The following CABIN1 variants were observed in gnomAD, a reference collection of about 807,000 sequenced individuals.
CABIN1 encodes the protein calcineurin-binding protein cabin-1.
CABIN1 carries 133 observed loss-of-function variants against 227.7 expected under a neutral mutation model. The observed-to-expected ratio is 0.58, with a 90% CI of 0.51 to 0.67. The LOEUF (loss-of-function observed/expected upper bound fraction) is 0.67, where lower values mean the gene tolerates loss of function less well. Ranked by LOEUF, CABIN1 falls within the 30% of genes least tolerant of loss-of-function variation. CABIN1 has a pLI of 0.00. For synonymous variants in CABIN1, 1,086 were observed against 1,155.1 expected, an observed-to-expected ratio of 0.94 and a Z score of 1.21; for missense variants, 2,408 against 2,852.5, an observed-to-expected ratio of 0.84 and a Z score of 3.55.
intron 1 of CABIN1, among the ~76,000 whole-genome samples, chr22:24,015,645 C>G (rs1262171162): frequency 6.6e-6 from 1 of 151,770 alleles, no homozygotes; most frequent in Non-Finnish European, 1.5e-5. Context: ...CGCCCGGCCC[C>G]TCATTAATTT....
intron 29 of CABIN1, among the ~76,000 whole-genome samples, chr22:24,153,533 G>A (rs1296975579): frequency 1.3e-5 from 2 of 152,180 alleles, no homozygotes; most frequent in South Asian, 2.1e-4. Flanking sequence ...ATCACATGAC[G>A]CTCCAGGGAC....
intron 25 of CABIN1, among the ~76,000 whole-genome samples, chr22:24,096,666 C>T (rs569706338): frequency 6.6e-6 from 1 of 152,314 alleles, no homozygotes; most frequent in African/African-American, 2.4e-5. Flanking sequence ...GCCGCCCCAT[C>T]CTCAGGGGCA....
At chr22:24,110,119 C>T (rs1420466145) in intron 26 of CABIN1, among the ~76,000 whole-genome samples, 1 of 152,192 alleles carries the variant, frequency 6.6e-6, no homozygotes, top group African/African-American at 2.4e-5. Context: ...TGCAGTGAGC[C>T]AAGATCGTGC....
rs542937095 is a variant in CABIN1, at chr22:24,084,831, C to T, written c.3117+46C>T. 6 of 1,591,410 alleles carry T rather than the reference C, an allele frequency of 3.8e-6. 1 individual carries two copies. In the South Asian group the frequency reaches 5.5e-5, roughly 15 times the overall value. On this transcript the variant is annotated intron_variant, in intron 21 of 36. Transcript: ENST00000263119. ...ACGTGGGGGACAGGGCTGGGTCACA[C>T]TCTTCCGCTCTGCCACTGCTGTATA...
In CABIN1 at chr22:24,059,939, A is replaced by G. The variant is rs2039071101; in HGVS notation, c.1415A>G (p.His472Arg). ...TFMESEKQDV[H>R]EFLLENLTNG... Reference sequence around the variant, plus strand: ...CCCCGGGCAGAAAAGCAGGACGTGCATGAGTTCCTGCTGGAGAACCTAACC... The same window carrying G: ...CCCCGGGCAGAAAAGCAGGACGTGCGTGAGTTCCTGCTGGAGAACCTAACC... The change falls in exon 12 of 37, where the codon CAT becomes CGT. Residue 472 changes from histidine to arginine, a missense_variant. This residue lies in a region of CABIN1 where 1,045 missense variants were observed against 1,168.4 expected (regional missense o/e 0.89). Transcript: ENST00000263119. 1.2e-6 allele frequency: 2 copies of G among 1,614,088 alleles called. No individual in the cohort carries two copies. Among genetic ancestry groups the G allele is most frequent in the African/African-American group, 1.3e-5 (1 of 74,934 alleles).
chr22:24,018,094 A>G lies in CABIN1; in HGVS notation c.-75+6727A>G, dbSNP rs147414887. On this transcript the variant is annotated intron_variant, in intron 1 of 36. Transcript: ENST00000263119. The stretch of plus-strand genomic sequence containing the variant: ...GGTTTTGAACTCCTGGCCTCAAGCA[A>G]TCCTTTCACCTCGGCTTCCCAAAGT... 4.1e-4 allele frequency among the ~76,000 whole-genome samples: 62 copies of G among 152,146 alleles called. 1 individual carries two copies. The East Asian group carries it at 6.6e-3, about 16-fold the overall frequency.
intron 1 of CABIN1, among the ~76,000 whole-genome samples, chr22:24,029,810 ATGT>A (rs1569089941): frequency 1.3e-5 from 2 of 152,120 alleles, no homozygotes; most frequent in Non-Finnish European, 2.9e-5. Flanking sequence ...CCTTGATGAA[ATGT>A]TGTGTAGACA....
chr22:24,161,293 C>T (rs1247976587), intron 29 of CABIN1, among the ~76,000 whole-genome samples: 1 of 152,138 alleles, frequency 6.6e-6, no homozygotes, highest in Non-Finnish European at 1.5e-5. Flanking sequence ...TATTGGTGTG[C>T]ACCCCCAGCT....
intron 35 of CABIN1, 79 bp downstream of exon 35, chr22:24,176,354 C>A: frequency 6.7e-7 from 1 of 1,494,308 alleles, no homozygotes; most frequent in Non-Finnish European, 9.0e-7. Flanking sequence ...GGTTTCCCGG[C>A]CTGGCCTTGA....
At chr22:24,170,708 A>G (rs527359686) in intron 33 of CABIN1, among the ~76,000 whole-genome samples, 2 of 152,000 alleles carry the variant, frequency 1.3e-5, no homozygotes, top group South Asian at 4.2e-4. Flanking sequence ...GCATTTTAGC[A>G]AAACCAATGT....
chr22:24,070,657 A>C, intron 16 of CABIN1, 143 bp from the exon 17 acceptor site: 1 of 1,207,404 alleles, frequency 8.3e-7, no homozygotes, highest in African/African-American at 1.5e-5. Context: ...TCCGGGCTGC[A>C]TGGGGCCTAT....
At chr22:24,029,762 A>G (rs533762711) in intron 1 of CABIN1, among the ~76,000 whole-genome samples, 2 of 152,296 alleles carry the variant, frequency 1.3e-5, no homozygotes, top group African/African-American at 4.8e-5. Context: ...GACCTAATGT[A>G]TGTGATGAGT....
intron 30 of CABIN1, 30 bp downstream of exon 30, chr22:24,164,593 G>A (rs980016898): frequency 6.3e-7 from 1 of 1,598,472 alleles, no homozygotes; most frequent in Non-Finnish European, 8.5e-7. Flanking sequence ...ACACAGCCTG[G>A]CATGCTGTGT....
intron 1 of CABIN1, among the ~76,000 whole-genome samples, chr22:24,027,447 T>C (rs1025754639): frequency 6.6e-6 from 1 of 152,246 alleles, no homozygotes; most frequent in Non-Finnish European, 1.5e-5. Context: ...CCTTGCCTTG[T>C]TTCTTGATCT....
At chr22:24,073,048 T>C (rs1435727094) in intron 18 of CABIN1, among the ~76,000 whole-genome samples, 3 of 152,318 alleles carry the variant, frequency 2.0e-5, no homozygotes, top group Middle Eastern at 3.4e-3. Context: ...TGAATCACCA[T>C]GGTGGGTCAG....
chr22:24,015,767 C>T (rs531833612), intron 1 of CABIN1, among the ~76,000 whole-genome samples: 2 of 152,168 alleles, frequency 1.3e-5, no homozygotes, highest in South Asian at 4.1e-4. Context: ...GCCAGCCTGA[C>T]CAACATGGTG....
intron 26 of CABIN1, among the ~76,000 whole-genome samples, chr22:24,112,424 T>A (rs1456469775): frequency 1.3e-5 from 2 of 152,174 alleles, no homozygotes; most frequent in Non-Finnish European, 2.9e-5. Context: ...TACCTTGTGC[T>A]TAGTAGGGGA....
intron 29 of CABIN1, chr22:24,162,111 A>G (rs181079879): frequency 3.3e-5 from 5 of 152,318 alleles, no homozygotes; most frequent in East Asian, 1.9e-4. Flanking sequence ...TTGGCTTGCT[A>G]CCACCCTGCT....
intron 27 of CABIN1, among the ~76,000 whole-genome samples, chr22:24,116,925 G>A (rs1363310667): frequency 1.3e-5 from 2 of 152,244 alleles, no homozygotes; most frequent in African/African-American, 4.8e-5. Context: ...ACCAGCCTAG[G>A]CTAGAGCAGC....
Sources: allele counts gnomAD v4.1 joint callset (sites outside exome capture counted in the v4.1 genomes callset), GRCh38; gene constraint gnomAD v4.1.1; regional missense constraint gnomAD v4.1.1; transcripts MANE v1.5; gene names NCBI Gene and HGNC (gene_info 2026-07-23, HGNC 2026-07-21).